PRUNE2: variants seen among roughly 807,000 people sequenced by gnomAD.
PRUNE2 encodes the protein prune homolog 2 with BCH domain.
A neutral mutation model predicts 252.0 loss-of-function variants in PRUNE2; 164 were observed. The ratio of observed to expected loss-of-function variants is 0.65; its 90% CI spans 0.57 to 0.74. PRUNE2 has a LOEUF of 0.74. Ranked by LOEUF, PRUNE2 falls within the 30% of genes least tolerant of loss-of-function variation. The pLI, the probability that PRUNE2 is intolerant of heterozygous loss-of-function variation, is 0.00. For missense variants in PRUNE2, 3,495 were observed against 3,711.0 expected (o/e 0.94, Z 1.51); for synonymous variants, 1,292 against 1,350.2 (o/e 0.96, Z 0.94).
intron 1 of PRUNE2, among the ~76,000 whole-genome samples, chr9:76,901,239 G>C (rs1279157625): frequency 6.6e-6 from 1 of 152,182 alleles, no homozygotes; most frequent in East Asian, 1.9e-4. Context: ...AAAAAATCAA[G>C]GGTTCATTCC....
intron 6 of PRUNE2, among the ~76,000 whole-genome samples, chr9:76,793,770 G>T (rs556896467): frequency 3.3e-5 from 5 of 151,964 alleles, no homozygotes; most frequent in African/African-American, 1.2e-4. Flanking sequence ...AAAAAAAAAG[G>T]CTCAGAGAGG....
chr9:76,666,719 G>A (rs915955502), intron 9 of PRUNE2, among the ~76,000 whole-genome samples: 2 of 152,068 alleles, frequency 1.3e-5, no homozygotes, highest in African/African-American at 4.8e-5. Flanking sequence ...GCGTCTTGGT[G>A]GTAGTGGTCC....
intron 6 of PRUNE2, among the ~76,000 whole-genome samples, chr9:76,810,966 T>C (rs2057318049): frequency 6.6e-6 from 1 of 152,184 alleles, no homozygotes; most frequent in East Asian, 1.9e-4. Flanking sequence ...CATATGATTC[T>C]CAGGAGCGTT....
intron 6 of PRUNE2, chr9:76,788,232 A>T (rs2055204466): frequency 1.9e-6 from 1 of 523,856 alleles, no homozygotes; most frequent in Non-Finnish European, 3.3e-6. Flanking sequence ...TGAAGACATA[A>T]GAGTCAAAAC....
chr9:76,638,429 T>A (rs991328990), intron 12 of PRUNE2, 141 bp from the exon 13 acceptor site: 4 of 625,866 alleles, frequency 6.4e-6, no homozygotes, highest in Non-Finnish European at 1.2e-5. Context: ...TTATGTTGAC[T>A]ATAGGTCTGT....
chr9:76,672,357 CCTAAATATATATGCA>C (rs2041674361), intron 9 of PRUNE2, among the ~76,000 whole-genome samples: 1 of 116,792 alleles, frequency 8.6e-6, no homozygotes, highest in Non-Finnish European at 1.8e-5. Flanking sequence ...AGCTAACTAT[CCTAAATATATATGCA>C]CCCAATACAG....
In PRUNE2 at chr9:76,885,315, A is replaced by G. The variant is rs532204574; in HGVS notation, c.36+20613T>C. Reference sequence around the variant, plus strand: ...TTTAGGGTTTGTTTTATAAGATGACATAATGCCTTCTAGCTTGGTGCTATA... The same window carrying G: ...TTTAGGGTTTGTTTTATAAGATGACGTAATGCCTTCTAGCTTGGTGCTATA... On this transcript the variant is annotated intron_variant, in intron 1 of 18. Coordinates refer to ENST00000376718, the MANE Select transcript of PRUNE2 (RefSeq NM_015225.3). Among the ~76,000 whole-genome samples the G allele has an allele frequency of 2.0e-5, 3 of 152,350 alleles. No homozygotes were observed. The East Asian group carries it at 5.8e-4, about 29-fold the overall frequency.
chr9:76,676,485 T>G (rs951669900), intron 9 of PRUNE2, among the ~76,000 whole-genome samples: 7 of 152,204 alleles, frequency 4.6e-5, no homozygotes, highest in Non-Finnish European at 8.8e-5. Flanking sequence ...TACATTTATA[T>G]GCATTTTTAG....
At chr9:76,761,149 G>A (rs1253946264) in intron 6 of PRUNE2, among the ~76,000 whole-genome samples, 1 of 149,682 alleles carries the variant, frequency 6.7e-6, no homozygotes, top group Non-Finnish European at 1.5e-5. Context: ...AAATTTAATA[G>A]AATTGCCTGA....
chr9:76,783,962 C>T (rs960894178), intron 6 of PRUNE2: 4 of 152,232 alleles, frequency 2.6e-5, no homozygotes, highest in African/African-American at 9.6e-5. Context: ...TCGTTTCTAT[C>T]CTTCCTACTC....
intron 1 of PRUNE2, among the ~76,000 whole-genome samples, chr9:76,896,934 T>A (rs2062857006): frequency 6.6e-6 from 1 of 152,252 alleles, no homozygotes; most frequent in African/African-American, 2.4e-5. Context: ...CCATAACATT[T>A]CTAATTACTC....
intron 16 of PRUNE2, among the ~76,000 whole-genome samples, chr9:76,626,015 G>A (rs1347386368): frequency 6.6e-6 from 1 of 152,052 alleles, no homozygotes; most frequent in Admixed American, 6.5e-5. Context: ...TTGGCCATGA[G>A]TTCAATGTTC....
intron 1 of PRUNE2, among the ~76,000 whole-genome samples, chr9:76,865,805 C>CTA (rs2060802384): frequency 2.8e-5 from 3 of 107,876 alleles, no homozygotes; most frequent in African/African-American, 1.1e-4. Flanking sequence ...CTCTCTCTCC[C>CTA]TACACACACA....
rs1245999338 is a variant in PRUNE2 at position 76,850,537 on chromosome 9, A to G, written c.270T>C (p.Asp90=). The G allele has an allele frequency of 6.2e-7, 1 of 1,613,672 alleles. No homozygotes were observed. Among genetic ancestry groups the G allele is most frequent in the Admixed American group, 1.7e-5 (1 of 59,970 alleles). The change falls in exon 3 of 19, where the codon GAT becomes GAC. Residue 90 remains aspartate (D), a synonymous_variant. Transcript: ENST00000376718. ...NISESFHIFR[D]EINLHQLNDE... ...CATTTAGCTGATGCAGGTTAATTTC[A>G]TCCCGGAATATGTGGAATGATTCGG...
Position 76,706,675 on chromosome 9 carries a change from G to A in PRUNE2, c.5599C>T (p.Pro1867Ser). Residue 1867 changes from proline to serine, a missense_variant, in exon 8 of 19, where the codon CCC (proline) becomes TCC (serine). Pro to Ser is a moderately conservative substitution (Grantham distance 74). Coordinates refer to ENST00000376718, the MANE Select transcript of PRUNE2 (RefSeq NM_015225.3). ...TCACCCTGAACTGGTACTCCCCAGGGACTGGCATTTTGGTGTACTGAAGAA... is the reference window on the plus strand; with the variant it reads ...TCACCCTGAACTGGTACTCCCCAGGAACTGGCATTTTGGTGTACTGAAGAA... ...INSSVHQNAS[P>S]WGVPVQGDIE... 1 of 1,613,716 alleles carries A rather than the reference G, an allele frequency of 6.2e-7. No individual in the cohort carries two copies. The highest frequency in any genetic ancestry group is 1.1e-5 in the South Asian group (1 of 91,030).
At chr9:76,730,093 T>C (rs778478557) in intron 6 of PRUNE2, among the ~76,000 whole-genome samples, 1 of 152,394 alleles carries the variant, frequency 6.6e-6, no homozygotes, top group African/African-American at 2.4e-5. Flanking sequence ...TATATTAACA[T>C]GTACAATTGA....
chr9:76,677,626 T>A (rs1023209782), intron 9 of PRUNE2, among the ~76,000 whole-genome samples: 1 of 152,242 alleles, frequency 6.6e-6, no homozygotes, highest in African/African-American at 2.4e-5. Flanking sequence ...ATCCCATTTT[T>A]ATTTTCTGGA....
chr9:76,850,645 C>G lies in PRUNE2; in HGVS notation c.162G>C (p.Leu54=). Residue 54 remains leucine (L), a synonymous_variant, in exon 3 of 19, where the codon CTG becomes CTC. Coordinates refer to ENST00000376718, the MANE Select transcript of PRUNE2 (RefSeq NM_015225.3). ...FLDKVSPPGV[L]CLPVLNIPRT... is the part of the protein sequence containing the mutation. Reference sequence around the variant, plus strand: ...TTGGTATGTTCAGCACTGGTAAACACAGAACCCCTGGTGGACTGACCTACC... The same window carrying G: ...TTGGTATGTTCAGCACTGGTAAACAGAGAACCCCTGGTGGACTGACCTACC... 1 of 1,613,814 alleles carries G rather than the reference C, an allele frequency of 6.2e-7. No homozygotes were observed. The highest frequency in any genetic ancestry group is 8.5e-7 in the Non-Finnish European group (1 of 1,179,736).
At chr9:76,680,071 A>G (rs1036504894) in intron 9 of PRUNE2, among the ~76,000 whole-genome samples, 1 of 152,238 alleles carries the variant, frequency 6.6e-6, no homozygotes, top group African/African-American at 2.4e-5. Flanking sequence ...AAGGCAACCT[A>G]TGGAATGAGA....
Sources: allele counts gnomAD v4.1 joint callset (sites outside exome capture counted in the v4.1 genomes callset), GRCh38; gene constraint gnomAD v4.1.1; transcripts MANE v1.5; gene names NCBI Gene and HGNC (gene_info 2026-07-23, HGNC 2026-07-21).